The following ROCK1 variants were observed in gnomAD, a reference collection of about 807,000 sequenced individuals.
ROCK1 encodes rho-associated protein kinase 1.
A neutral mutation model predicts 196.8 loss-of-function variants in ROCK1; 36 were observed. That is an observed-to-expected ratio of 0.18 (90% CI 0.14 to 0.24). The LOEUF (loss-of-function observed/expected upper bound fraction) is 0.24, where lower values mean the gene tolerates loss of function less well. ROCK1 is among the 10% of genes least tolerant of loss of function. The probability of loss-of-function intolerance (pLI) is 1.00; values close to 1 mark genes in which losing one functional copy is unlikely to be tolerated. For missense variants in ROCK1, 920 were observed against 1,562.0 expected (o/e 0.59, Z 6.93); for synonymous variants, 443 against 515.9 (o/e 0.86, Z 1.91).
At chr18:21,080,843 A>G (rs528777065) in intron 1 of ROCK1, among the ~76,000 whole-genome samples, 2 of 152,326 alleles carry the variant, frequency 1.3e-5, no homozygotes, top group East Asian at 3.9e-4. Flanking sequence ...TGGTATATAA[A>G]TATACAAGCC....
intron 20 of ROCK1, among the ~76,000 whole-genome samples, chr18:20,983,167 T>G (rs1462119692): frequency 6.6e-6 from 1 of 150,600 alleles, no homozygotes; most frequent in East Asian, 1.9e-4. Context: ...AAAGCAGTCA[T>G]AGGGAAGAAA....
chr18:21,104,283 T>C (rs562685940), intron 1 of ROCK1, among the ~76,000 whole-genome samples: 2 of 152,340 alleles, frequency 1.3e-5, no homozygotes, highest in South Asian at 2.1e-4. Context: ...AAATTTTATA[T>C]GTAGTTCCTT....
At chr18:21,033,804 G>T (rs1395739352) in intron 9 of ROCK1, among the ~76,000 whole-genome samples, 3 of 139,080 alleles carry the variant, frequency 2.2e-5, no homozygotes, top group African/African-American at 2.8e-5. Flanking sequence ...AGATCACGAG[G>T]TCAGGAAATC....
At chr18:21,066,300 T>C (rs576689632) in intron 2 of ROCK1, among the ~76,000 whole-genome samples, 33 of 152,266 alleles carry the variant, frequency 2.2e-4, no homozygotes, top group Non-Finnish European at 1.3e-4. Flanking sequence ...TTTTTGTTCA[T>C]GTCTTTAAAT....
In ROCK1 at chr18:20,967,890, A is replaced by G; in HGVS notation, c.3054T>C (p.Asp1018=). The stretch of plus-strand genomic sequence containing the variant: ...AATCTTGTGTATTAGCTTTCTTTCT[A>G]TCAATTTTAAAATCTTTTCGATTCA... The part of the protein sequence containing the change: ...EIMNRKDFKI[D]RKKANTQDLR... Residue 1018 remains aspartate, a synonymous_variant, in exon 26 of 33, where the codon GAT becomes GAC. Coordinates refer to ENST00000399799, the MANE Select transcript of ROCK1 (RefSeq NM_005406.3). The G allele has an allele frequency of 6.3e-7, 1 of 1,590,060 alleles. No homozygotes were observed. Among genetic ancestry groups the G allele is most frequent in the South Asian group, 1.2e-5 (1 of 85,864 alleles).
Position 21,111,485 on chromosome 18 carries a change from C to T in ROCK1, c.-575G>A. On this transcript the variant is annotated 5_prime_UTR_variant, in exon 1 of 33. Transcript: ENST00000399799. This position sits in a 1 kb window ranked among gnomAD's most constrained non-coding sequence, Gnocchi z 4.2. ...CCCGGCCCGACGCACCGATCAGTCT[C>T]GGCCACGAGCTGGTCCACGCAGGAC... 2 of 229,362 alleles carry T rather than the reference C, an allele frequency of 8.7e-6. No homozygotes were observed. Among genetic ancestry groups the T allele is most frequent in the Non-Finnish European group, 1.7e-5 (2 of 118,764 alleles). The allele number at this position is 229,362 out of a possible 1,614,324, so 14.2% of individuals were successfully genotyped here. A position where few individuals can be genotyped will look rare whatever the true frequency, so the allele number is the denominator to read the frequency against.
At chr18:20,997,300 G>A (rs1334665060) in intron 16 of ROCK1, among the ~76,000 whole-genome samples, 1 of 152,068 alleles carries the variant, frequency 6.6e-6, no homozygotes, top group Non-Finnish European at 1.5e-5. Context: ...GATATTCCAT[G>A]CCAATTAAAA....
chr18:21,097,370 T>G (rs2036621321), intron 1 of ROCK1, among the ~76,000 whole-genome samples: 1 of 152,196 alleles, frequency 6.6e-6, no homozygotes, highest in Non-Finnish European at 1.5e-5. Flanking sequence ...TACCCCCAAG[T>G]AGTATTTTTG....
chr18:21,039,414 A>G, intron 9 of ROCK1, 58 bp downstream of exon 9: 2 of 1,267,032 alleles, frequency 1.6e-6, no homozygotes, highest in Non-Finnish European at 1.1e-6. Flanking sequence ...AGTTTCAACA[A>G]ACTACCACAA....
chr18:21,058,342 T>C (rs2036261412), intron 2 of ROCK1, among the ~76,000 whole-genome samples: 1 of 152,198 alleles, frequency 6.6e-6, no homozygotes, highest in African/African-American at 2.4e-5. Context: ...ACCATTACTT[T>C]ATGTACCACT....
In ROCK1 at chr18:20,948,238, G is replaced by A. The variant is rs572052554; in HGVS notation, c.*3146C>T. The A allele has an allele frequency of 5.9e-5, 9 of 152,304 alleles. No individual in the cohort carries two copies. In the South Asian group the frequency reaches 8.3e-4, roughly 14 times the overall value. 9.4% of individuals were successfully genotyped at this position (152,304 alleles called of 1,614,324 possible). A position where few individuals can be genotyped will look rare whatever the true frequency, so the allele number is the denominator to read the frequency against. Reference sequence around the variant, plus strand: ...TATTATAAAGTTACAGTAATTAAAAGTGTGATATTGGCAAGGACACAGAAA... The same window carrying A: ...TATTATAAAGTTACAGTAATTAAAAATGTGATATTGGCAAGGACACAGAAA... On this transcript the variant is annotated 3_prime_UTR_variant, in exon 33 of 33. Coordinates refer to ENST00000399799, the MANE Select transcript of ROCK1 (RefSeq NM_005406.3).
In ROCK1 at chr18:21,086,258, T is replaced by C. The variant is rs1196039808; in HGVS notation, c.94-15645A>G. ...TCCTGAGTAGCTGGGATTACAGGCA[T>C]GCACCACCACACCTGGCTAATTTTT... is the stretch of plus-strand genomic sequence containing the variant. On this transcript the variant is annotated intron_variant, in intron 1 of 32. Transcript: ENST00000399799. Among the ~76,000 whole-genome samples, 5 of 151,906 alleles carry C rather than the reference T, an allele frequency of 3.3e-5. No homozygotes were observed. In the South Asian group the frequency reaches 6.3e-4, roughly 19 times the overall value.
intron 22 of ROCK1, among the ~76,000 whole-genome samples, chr18:20,979,024 C>A (rs534206507): frequency 6.6e-6 from 1 of 152,150 alleles, no homozygotes; most frequent in African/African-American, 2.4e-5. Flanking sequence ...TGAGATACTC[C>A]GCAGGAGTTA....
Position 21,111,198 on chromosome 18 carries a change from C to G in ROCK1, c.-288G>C. Reference sequence around the variant, plus strand: ...GCCGTCGCCACCAGCCTCGTCGCTCCGGCGAGGTGCTTCAGTCTAGCGGGC... The same window carrying G: ...GCCGTCGCCACCAGCCTCGTCGCTCGGGCGAGGTGCTTCAGTCTAGCGGGC... On this transcript the variant is annotated 5_prime_UTR_variant, in exon 1 of 33. Coordinates refer to ENST00000399799, the MANE Select transcript of ROCK1 (RefSeq NM_005406.3). This position sits in a 1 kb window ranked among gnomAD's most constrained non-coding sequence, Gnocchi z 4.2. 1.9e-6 allele frequency: 1 copy of G among 534,332 alleles called. No individual in the cohort carries two copies. The highest frequency in any genetic ancestry group is 2.6e-5 in the South Asian group (1 of 38,220). The allele number at this position is 534,332 out of a possible 1,614,324, so 33.1% of individuals were successfully genotyped here.
chr18:21,013,045 T>C (rs1261128804), intron 13 of ROCK1, among the ~76,000 whole-genome samples: 1 of 152,204 alleles, frequency 6.6e-6, no homozygotes, highest in Admixed American at 6.5e-5. Context: ...CTGAAACATA[T>C]TTATGGTGAT....
At chr18:21,054,511 C>G (rs1027919301) in intron 2 of ROCK1, among the ~76,000 whole-genome samples, 1 of 151,936 alleles carries the variant, frequency 6.6e-6, no homozygotes, top group Admixed American at 6.6e-5. Flanking sequence ...CTTAGACAAC[C>G]GACCCTGAAA....
In ROCK1 at chr18:20,948,786, G is replaced by A. The variant is rs1251624091; in HGVS notation, c.*2598C>T. ...GGCCACGTAGATGCACCTAGAGAAG[G>A]CAGACGTGAGATGCAGGCTGTGCTA... is the stretch of plus-strand genomic sequence containing the variant. On this transcript the variant is annotated 3_prime_UTR_variant, in exon 33 of 33. Transcript: ENST00000399799. The A allele has an allele frequency of 6.6e-6, 1 of 152,240 alleles. No individual in the cohort carries two copies. Among genetic ancestry groups the A allele is most frequent in the African/African-American group, 2.4e-5 (1 of 41,424 alleles). 9.4% of individuals were successfully genotyped at this position (152,240 alleles called of 1,614,324 possible).
chr18:21,050,814 T>C (rs745326833), intron 2 of ROCK1, among the ~76,000 whole-genome samples: 1 of 152,214 alleles, frequency 6.6e-6, no homozygotes, highest in Non-Finnish European at 1.5e-5. Context: ...ACATATCCAC[T>C]GCAAGATGCA....
At chr18:21,084,964 A>G (rs1489997312) in intron 1 of ROCK1, among the ~76,000 whole-genome samples, 7 of 152,238 alleles carry the variant, frequency 4.6e-5, no homozygotes, top group Non-Finnish European at 1.0e-4. Flanking sequence ...TAAAATCTGT[A>G]AACATTATGC....
Sources: gnomAD v4.1 joint callset for allele counts (sites outside exome capture counted in the v4.1 genomes callset) on GRCh38, gnomAD v4.1.1 for gene constraint, Gnocchi (gnomAD v3.1) non-coding constraint, MANE v1.5 for transcripts, NCBI Gene and HGNC (gene_info 2026-07-23, HGNC 2026-07-21) for gene names.